Variants in MAP3K13 observed in about 807,000 individuals in gnomAD.
MAP3K13 encodes leucine zipper-bearing kinase.
A neutral mutation model predicts 104.0 loss-of-function variants in MAP3K13; 52 were observed. The observed-to-expected ratio is 0.50, with a 90% CI of 0.40 to 0.63. The LOEUF (loss-of-function observed/expected upper bound fraction) is 0.63, where lower values mean the gene tolerates loss of function less well. Ranked by LOEUF, MAP3K13 falls within the 20% of genes least tolerant of loss-of-function variation. MAP3K13 has a pLI of 0.00. For missense variants in MAP3K13, 914 were observed against 1,218.5 expected (o/e 0.75, Z 3.72); for synonymous variants, 394 against 442.2 (o/e 0.89, Z 1.37).
intron 2 of MAP3K13, among the ~76,000 whole-genome samples, chr3:185,317,485 G>C (rs1398349475): frequency 2.0e-5 from 3 of 152,100 alleles, no homozygotes; most frequent in Non-Finnish European, 4.4e-5. Flanking sequence ...AAATTCTAAA[G>C]TAAAACAAAA....
rs1717920047 is a variant in MAP3K13 at position 185,473,357 on chromosome 3, G to A, written c.2026G>A (p.Ala676Thr). 2 of 1,614,232 alleles carry A rather than the reference G, an allele frequency of 1.2e-6. No homozygotes were observed. Among genetic ancestry groups the A allele is most frequent in the Non-Finnish European group, 1.7e-6 (2 of 1,180,046 alleles). Residue 676 changes from alanine to threonine, a missense_variant, in exon 11 of 14, where the codon GCA becomes ACA. Coordinates refer to ENST00000265026, the MANE Select transcript of MAP3K13 (RefSeq NM_004721.5). The surrounding 1 kb of genome is among the most constrained non-coding windows in gnomAD (Gnocchi z 4.9). ...CANNLRYFGPAAALRSPLSNH... is the reference protein window; with the variant it reads ...CANNLRYFGPTAALRSPLSNH... ...CAACAACCTGAGGTATTTCGGCCCA[G>A]CAGCAGCCCTGCGGAGCCCACTCAG...
At chr3:185,396,769 C>A (rs970908202) in intron 1 of MAP3K13, among the ~76,000 whole-genome samples, 1 of 152,130 alleles carries the variant, frequency 6.6e-6, no homozygotes, top group African/African-American at 2.4e-5. Flanking sequence ...TTCCCTCCTT[C>A]CCTTATTTTT....
chr3:185,455,670 TATATATATGAG>T (rs1716609037), intron 7 of MAP3K13, among the ~76,000 whole-genome samples: 1 of 23,236 alleles, frequency 4.3e-5, no homozygotes, highest in African/African-American at 9.6e-5. Flanking sequence ...ATATATATGA[TATATATATGAG>T]ATATATATAT....
intron 1 of MAP3K13, among the ~76,000 whole-genome samples, chr3:185,369,268 G>T (rs1470867708): frequency 6.6e-6 from 1 of 152,182 alleles, no homozygotes; most frequent in African/African-American, 2.4e-5. Context: ...GCATTGTATT[G>T]TTTATGTGCG....
chr3:185,431,179 A>G (rs571357921), intron 2 of MAP3K13, among the ~76,000 whole-genome samples: 1 of 152,184 alleles, frequency 6.6e-6, no homozygotes, highest in African/African-American at 2.4e-5. Context: ...GGGAATTACA[A>G]TTCGAGATGA....
chr3:185,395,357 C>CTTTCTTTTAT (rs1553798321), intron 1 of MAP3K13, among the ~76,000 whole-genome samples: 1 of 69,978 alleles, frequency 1.4e-5, no homozygotes, highest in Non-Finnish European at 2.4e-5. Context: ...AATATTATTT[C>CTTTCTTTTAT]TTTTTTTTTT....
At chr3:185,463,321 A>G (rs1039598958) in intron 7 of MAP3K13, among the ~76,000 whole-genome samples, 2 of 152,246 alleles carry the variant, frequency 1.3e-5, no homozygotes, top group South Asian at 4.1e-4. Context: ...AAACTCGGAA[A>G]AACACAGCAT....
chr3:185,473,030 T>C lies in MAP3K13; in HGVS notation c.1699T>C (p.Ser567Pro). The change falls in exon 11 of 14, where the codon TCC (serine) becomes CCC (proline). Residue 567 changes from serine (S) to proline (P), a missense_variant. Around this residue, in one of 3 missense-constraint regions of MAP3K13, gnomAD observed 583 missense variants for 737.4 expected, o/e 0.79. Coordinates refer to ENST00000265026, the MANE Select transcript of MAP3K13 (RefSeq NM_004721.5). This position sits in a 1 kb window ranked among gnomAD's most constrained non-coding sequence, Gnocchi z 4.9. ...CACCACAGAAGTGGCTCCCACTGCA[T>C]CCCCTTTGTCCGGAAGTCCCAAAAT... ...IPTTEVAPTA[S>P]PLSGSPKMST... 1 of 1,614,116 alleles carries C rather than the reference T, an allele frequency of 6.2e-7. No individual in the cohort carries two copies. Among genetic ancestry groups the C allele is most frequent in the Non-Finnish European group, 8.5e-7 (1 of 1,180,024 alleles).
At chr3:185,465,703 C>A in intron 8 of MAP3K13, 44 bp from the exon 9 acceptor site, 1 of 1,386,408 alleles carries the variant, frequency 7.2e-7, no homozygotes, top group Non-Finnish European at 1.0e-6. Flanking sequence ...ACTTTTTTCT[C>A]CCGAAGTTGG....
At chr3:185,462,721 C>T (rs1377248837) in intron 7 of MAP3K13, among the ~76,000 whole-genome samples, 4 of 152,090 alleles carry the variant, frequency 2.6e-5, no homozygotes, top group Non-Finnish European at 4.4e-5. Flanking sequence ...TGCAGTGAGC[C>T]GATATCACGC....
chr3:185,367,971 A>T (rs914355722), intron 1 of MAP3K13, among the ~76,000 whole-genome samples: 2 of 152,194 alleles, frequency 1.3e-5, no homozygotes, highest in Non-Finnish European at 2.9e-5. Context: ...ATCCTGGGCA[A>T]CATGGCAAAA....
chr3:185,331,054 T>A (rs1398095589), intron 2 of MAP3K13, among the ~76,000 whole-genome samples: 2 of 150,332 alleles, frequency 1.3e-5, no homozygotes, highest in Non-Finnish European at 3.0e-5. Flanking sequence ...CCTACTCCAC[T>A]TCCACCATAA....
intron 2 of MAP3K13, among the ~76,000 whole-genome samples, chr3:185,357,461 AAAAAAAG>A (rs1723414875): frequency 2.0e-5 from 3 of 151,090 alleles, no homozygotes; most frequent in Non-Finnish European, 4.4e-5. Context: ...AAAAAAAAAA[AAAAAAAG>A]AAAAAAAGAA....
chr3:185,436,263 C>T (rs989675108), intron 2 of MAP3K13, among the ~76,000 whole-genome samples: 1 of 152,060 alleles, frequency 6.6e-6, no homozygotes, highest in South Asian at 2.1e-4. Flanking sequence ...CTAATAATGC[C>T]ACCACTTAGA....
At chr3:185,478,042 A>C (rs1718230394) in intron 12 of MAP3K13, among the ~76,000 whole-genome samples, 1 of 152,178 alleles carries the variant, frequency 6.6e-6, no homozygotes, top group Non-Finnish European at 1.5e-5. Flanking sequence ...TGGAGTTTAG[A>C]GCTTCAACCG....
intron 2 of MAP3K13, among the ~76,000 whole-genome samples, chr3:185,313,959 T>G (rs1560043905): frequency 6.6e-6 from 1 of 152,106 alleles, no homozygotes; most frequent in East Asian, 1.9e-4. Flanking sequence ...ATCCCTGGGG[T>G]TTAGGGCAGC....
Position 185,418,058 on chromosome 3 carries a change from C to G in MAP3K13, c.-85-10439C>G, listed in dbSNP as rs1713892561. 3.1e-6 allele frequency: 5 copies of G among 1,611,904 alleles called. No homozygotes were observed. Among genetic ancestry groups the G allele is most frequent in the Non-Finnish European group, 4.2e-6 (5 of 1,179,728 alleles). ...AAACGTCCCACATGCCCACCAGGAG[C>G]AAGCTTCAAAATGTTCAGCTTGCTT... On this transcript the variant is annotated intron_variant, in intron 1 of 13. Coordinates refer to ENST00000265026, the MANE Select transcript of MAP3K13 (RefSeq NM_004721.5). This position sits in a 1 kb window ranked among gnomAD's most constrained non-coding sequence, Gnocchi z 4.5.
At chr3:185,390,801 T>A in intron 1 of MAP3K13, among the ~76,000 whole-genome samples, 1 of 33,658 alleles carries the variant, frequency 3.0e-5, no homozygotes, top group African/African-American at 1.5e-4. Flanking sequence ...TTTTTGTATT[T>A]TTGGTAGAGA....
intron 2 of MAP3K13, among the ~76,000 whole-genome samples, chr3:185,302,532 A>G (rs765958016): frequency 6.6e-6 from 1 of 152,120 alleles, no homozygotes; most frequent in Non-Finnish European, 1.5e-5. Flanking sequence ...ATAGTTTTCA[A>G]TGTACAAGTC....
Sources: gnomAD v4.1 joint callset for allele counts (sites outside exome capture counted in the v4.1 genomes callset) on GRCh38, gnomAD v4.1.1 for gene constraint, gnomAD v4.1.1 regional missense constraint, Gnocchi (gnomAD v3.1) non-coding constraint, MANE v1.5 for transcripts, NCBI Gene and HGNC (gene_info 2026-07-23, HGNC 2026-07-21) for gene names.